Variants in GSK3B observed in about 807,000 individuals in gnomAD.
GSK3B encodes glycogen synthase kinase-3 beta.
GSK3B carries 15 observed loss-of-function variants against 56.4 expected under a neutral mutation model. That is an observed-to-expected ratio of 0.27 (90% CI 0.18 to 0.41). GSK3B has a LOEUF of 0.41. Ranked by LOEUF, GSK3B falls within the 10% of genes least tolerant of loss-of-function variation. GSK3B has a pLI of 1.00. For missense variants in GSK3B, 300 were observed against 513.4 expected, an observed-to-expected ratio of 0.58 and a Z score of 4.02; for synonymous variants, 181 against 188.9, an observed-to-expected ratio of 0.96 and a Z score of 0.34.
At chr3:119,895,167 C>G (rs1273762340) in intron 7 of GSK3B, among the ~76,000 whole-genome samples, 2 of 152,096 alleles carry the variant, frequency 1.3e-5, no homozygotes, top group East Asian at 3.9e-4. Flanking sequence ...ATTAGTAAGA[C>G]CATGCAATAT....
chr3:119,860,694 A>G (rs1435010933), intron 9 of GSK3B, among the ~76,000 whole-genome samples: 1 of 152,238 alleles, frequency 6.6e-6, no homozygotes, highest in South Asian at 2.1e-4. Flanking sequence ...TACATATAGC[A>G]GGTTTACTTT....
chr3:119,995,851 C>A (rs756211247), intron 2 of GSK3B, among the ~76,000 whole-genome samples: 6 of 151,926 alleles, frequency 3.9e-5, no homozygotes, highest in Non-Finnish European at 8.8e-5. Context: ...AATTCTCCTG[C>A]CTCAGCCTTC....
intron 8 of GSK3B, among the ~76,000 whole-genome samples, chr3:119,864,074 C>T (rs1029378849): frequency 2.0e-5 from 3 of 152,112 alleles, no homozygotes; most frequent in Non-Finnish European, 4.4e-5. Flanking sequence ...TACTCTAGGT[C>T]TATAAATGCT....
chr3:119,978,910 G>A (rs183737617), intron 2 of GSK3B, among the ~76,000 whole-genome samples: 1 of 152,296 alleles, frequency 6.6e-6, no homozygotes, highest in African/African-American at 2.4e-5. Flanking sequence ...CTTGATGACT[G>A]TCCTCTTCAG....
chr3:119,969,704 A>C (rs143344943), intron 2 of GSK3B, among the ~76,000 whole-genome samples: 3 of 152,350 alleles, frequency 2.0e-5, no homozygotes, highest in African/African-American at 7.2e-5. Context: ...AAACTTTCAC[A>C]AAGGAACAAA....
intron 1 of GSK3B, among the ~76,000 whole-genome samples, chr3:120,006,343 T>G (rs1012973553): frequency 1.3e-5 from 2 of 152,114 alleles, no homozygotes; most frequent in African/African-American, 4.8e-5. Context: ...CTGTCAATAT[T>G]AGACAGATCA....
intron 10 of GSK3B, among the ~76,000 whole-genome samples, chr3:119,839,447 G>T (rs1001145582): frequency 6.6e-6 from 1 of 152,024 alleles, no homozygotes; most frequent in Admixed American, 6.6e-5. Flanking sequence ...CTCCATTCTT[G>T]TTTAAGCCAG....
chr3:119,900,488 TCTTAC>T (rs1192220226), intron 7 of GSK3B, among the ~76,000 whole-genome samples: 1 of 152,136 alleles, frequency 6.6e-6, no homozygotes, highest in Non-Finnish European at 1.5e-5. Flanking sequence ...CTGAAATTCA[TCTTAC>T]CTTATTTGAA....
At chr3:120,001,424 C>G (rs2057676062) in intron 2 of GSK3B, among the ~76,000 whole-genome samples, 1 of 152,192 alleles carries the variant, frequency 6.6e-6, no homozygotes, top group African/African-American at 2.4e-5. Context: ...CCTTCATGCT[C>G]TCGCTCAGCT....
chr3:120,074,946 T>C (rs139893731), intron 1 of GSK3B, among the ~76,000 whole-genome samples: 394 of 152,020 alleles, frequency 2.6e-3, no homozygotes, highest in African/African-American at 8.4e-3. Flanking sequence ...TACAAGAAAA[T>C]AAAACTACAG....
chr3:119,955,249 A>C (rs113650376), intron 2 of GSK3B, among the ~76,000 whole-genome samples: 31 of 150,338 alleles, frequency 2.1e-4, no homozygotes, highest in African/African-American at 4.2e-4. Flanking sequence ...AAAAAAAAAA[A>C]CACAAAAAAA....
chr3:119,892,177 A>G (rs2056510257), intron 7 of GSK3B, among the ~76,000 whole-genome samples: 1 of 152,138 alleles, frequency 6.6e-6, no homozygotes, highest in African/African-American at 2.4e-5. Context: ...TTAAGAGCGA[A>G]GTAAAAGAAA....
intron 2 of GSK3B, among the ~76,000 whole-genome samples, chr3:119,976,917 A>G (rs2057414247): frequency 1.3e-5 from 2 of 152,142 alleles, no homozygotes; most frequent in East Asian, 1.9e-4. Flanking sequence ...AAACTCAAAA[A>G]AAGTGAGAAA....
Position 119,866,759 on chromosome 3 carries a change from T to TAC in GSK3B, c.910-3156_910-3155dup, listed in dbSNP as rs2056189076. On this transcript the variant is annotated intron_variant, in intron 8 of 10. Transcript: ENST00000264235. ...TGGGGGGGGACATAGAAAATGTTTA[T>TAC]ACAGTTATAAACTTTAAACATCAGT... 7 of 641,350 alleles carry TAC rather than the reference T, an allele frequency of 1.1e-5. No homozygotes were observed. The South Asian group carries it at 1.5e-4, about 13-fold the overall frequency. The allele number at this position is 641,350 out of a possible 1,614,324, so 39.7% of individuals were successfully genotyped here. A position where few individuals can be genotyped will look rare whatever the true frequency, so the allele number is the denominator to read the frequency against.
chr3:120,081,807 A>T (rs1307874642), intron 1 of GSK3B, among the ~76,000 whole-genome samples: 1 of 152,208 alleles, frequency 6.6e-6, no homozygotes, highest in Admixed American at 6.5e-5. Context: ...ACGGAGAAAC[A>T]AGACACATTA....
intron 1 of GSK3B, among the ~76,000 whole-genome samples, chr3:120,057,953 G>C (rs1382372545): frequency 2.0e-5 from 3 of 151,832 alleles, no homozygotes; most frequent in Non-Finnish European, 4.4e-5. Context: ...AGGATTAAAA[G>C]GGATCAATCA....
intron 1 of GSK3B, among the ~76,000 whole-genome samples, chr3:120,005,150 T>G (rs1407336714): frequency 6.6e-6 from 1 of 151,804 alleles, no homozygotes; most frequent in African/African-American, 2.4e-5. Flanking sequence ...CAGTAGCTGA[T>G]TCAATCAAGC....
At chr3:119,871,197 T>C (rs147024538) in intron 8 of GSK3B, among the ~76,000 whole-genome samples, 86 of 152,308 alleles carry the variant, frequency 5.6e-4, no homozygotes, top group African/African-American at 2.0e-3. Context: ...TCAAAAATAA[T>C]TCCTTTGAAA....
intron 10 of GSK3B, among the ~76,000 whole-genome samples, chr3:119,827,835 C>T (rs1052241733): frequency 5.0e-5 from 7 of 138,698 alleles, no homozygotes; most frequent in Non-Finnish European, 9.2e-5. Context: ...GGAAGGGTAG[C>T]GGGGGTGGGG....
Sources: gnomAD v4.1 joint callset for allele counts (sites outside exome capture counted in the v4.1 genomes callset) on GRCh38, gnomAD v4.1.1 for gene constraint, MANE v1.5 for transcripts, NCBI Gene and HGNC (gene_info 2026-07-23, HGNC 2026-07-21) for gene names.